Variants in PRICKLE2 observed in about 807,000 individuals in gnomAD.
The protein encoded by PRICKLE2 is prickle-like protein 2.
In PRICKLE2, 21 loss-of-function variants were observed where a neutral mutation model predicts 81.4. The observed-to-expected ratio is 0.26, with a 90% CI of 0.18 to 0.37. PRICKLE2 has a LOEUF of 0.37. PRICKLE2 is among the 10% of genes least tolerant of loss of function. PRICKLE2 has a pLI of 1.00. For synonymous variants in PRICKLE2, 456 were observed against 421.5 expected (o/e 1.08, Z -1.00); for missense variants, 940 against 1,109.0 (o/e 0.85, Z 2.16).
rs1180228524 is a variant in PRICKLE2 at position 64,099,412 on chromosome 3, T to C, written c.2174A>G (p.Gln725Arg). ...CTGGAAGCTCCGCTGGCGCATAAATTGGTCATAGTCCTCCCTGGCTCTCAG... is the reference window on the plus strand; with the variant it reads ...CTGGAAGCTCCGCTGGCGCATAAATCGGTCATAGTCCTCCCTGGCTCTCAG... ...PPLRAREDYD[Q>R]FMRQRSFQES... is the part of the protein sequence containing the mutation. Residue 725 changes from glutamine (Q) to arginine (R), a missense_variant, in exon 8 of 8, where the codon CAA becomes CGA. Gln to Arg is a conservative substitution (Grantham distance 43). Coordinates refer to ENST00000638394, the MANE Select transcript of PRICKLE2 (RefSeq NM_198859.4). The surrounding 1 kb of genome is among the most constrained non-coding windows in gnomAD (Gnocchi z 4.3). The C allele has an allele frequency of 2.5e-6, 4 of 1,597,828 alleles. No individual in the cohort carries two copies. Among genetic ancestry groups the C allele is most frequent in the Non-Finnish European group, 3.4e-6 (4 of 1,169,356 alleles).
intron 7 of PRICKLE2, among the ~76,000 whole-genome samples, chr3:64,116,837 C>G (rs1069983): frequency 0.72 from 109,218 of 151,968 alleles, 40,743 homozygotes; most frequent in South Asian, 0.85. Flanking sequence ...TCCTCCCTAA[C>G]TTATTCTATG....
intron 2 of PRICKLE2, among the ~76,000 whole-genome samples, chr3:64,239,262 G>A (rs1013040185): frequency 1.3e-5 from 2 of 152,150 alleles, no homozygotes; most frequent in Admixed American, 6.5e-5. Context: ...GGCTGGCAGC[G>A]TCCTCTCTGC....
intron 2 of PRICKLE2, among the ~76,000 whole-genome samples, chr3:64,235,276 T>C (rs1010972159): frequency 1.3e-5 from 2 of 152,228 alleles, no homozygotes; most frequent in African/African-American, 2.4e-5. Flanking sequence ...TGAGATGCTG[T>C]CATCATGCCT....
rs1406675430 is a variant in PRICKLE2 at position 64,093,774 on chromosome 3, CCTGTGTCCTTT to C, written c.*5266_*5276del. ...TCATAGTAAAACTCATCCCTCCATACCTGTGTCCTTTCTTTTCTTTGTTGAAATGCTCAAAG... is the reference window on the plus strand; with the variant it reads ...TCATAGTAAAACTCATCCCTCCATACCTTTTCTTTGTTGAAATGCTCAAAG... On this transcript the variant is annotated 3_prime_UTR_variant, in exon 8 of 8. Transcript: ENST00000638394. 6.6e-6 allele frequency: 1 copy of C among 152,210 alleles called. No homozygotes were observed. The highest frequency in any genetic ancestry group is 2.4e-5 in the African/African-American group (1 of 41,448). 9.4% of individuals were successfully genotyped at this position (152,210 alleles called of 1,614,324 possible).
chr3:64,243,478 T>C (rs1325784205), intron 2 of PRICKLE2, among the ~76,000 whole-genome samples: 1 of 152,176 alleles, frequency 6.6e-6, no homozygotes, highest in African/African-American at 2.4e-5. Flanking sequence ...AGAAATCCTA[T>C]CTTGTCACAT....
chr3:64,120,656 A>G lies in PRICKLE2; in HGVS notation c.1661-20731T>C, dbSNP rs1267945927. On this transcript the variant is annotated intron_variant, in intron 7 of 7. Transcript: ENST00000638394. The stretch of plus-strand genomic sequence containing the variant: ...ATACTGGTCCACAGACCACATTTGG[A>G]ACAGCAAAGGGTCTGGGGTGCTTTC... 2.0e-5 allele frequency among the ~76,000 whole-genome samples: 3 copies of G among 152,186 alleles called. No homozygotes were observed. The East Asian group carries it at 5.8e-4, about 29-fold the overall frequency.
intron 7 of PRICKLE2, among the ~76,000 whole-genome samples, chr3:64,134,329 A>G (rs1406559232): frequency 6.6e-6 from 1 of 152,206 alleles, no homozygotes; most frequent in Non-Finnish European, 1.5e-5. Flanking sequence ...CTTCCGAAGC[A>G]TCCAGCTGAG....
chr3:64,143,649 C>A (rs2077398365), intron 7 of PRICKLE2, among the ~76,000 whole-genome samples: 1 of 152,198 alleles, frequency 6.6e-6, no homozygotes, highest in Non-Finnish European at 1.5e-5. Context: ...CAGCAGAGAT[C>A]TGCTTAACAT....
rs1440293249 is a variant in PRICKLE2 at position 64,264,996 on chromosome 3, G to A, written c.129-66029C>T. Among the ~76,000 whole-genome samples, 3 of 152,274 alleles carry A rather than the reference G, an allele frequency of 2.0e-5. No individual in the cohort carries two copies. In the East Asian group the frequency reaches 5.8e-4, roughly 29 times the overall value. On this transcript the variant is annotated intron_variant, in intron 2 of 8. Transcript: ENST00000295902. ...TCATTCATGAGTTTTCCCAGACATT[G>A]AGTCCCACAGTACCTGCGTCTGTTC...
At chr3:64,136,476 T>G (rs1199121373) in intron 7 of PRICKLE2, among the ~76,000 whole-genome samples, 1 of 149,848 alleles carries the variant, frequency 6.7e-6, no homozygotes, top group Non-Finnish European at 1.5e-5. Flanking sequence ...ATGAACGTAG[T>G]GTAAGTGATC....
At chr3:64,133,344 C>T (rs145356775) in intron 7 of PRICKLE2, among the ~76,000 whole-genome samples, 60 of 152,132 alleles carry the variant, frequency 3.9e-4, no homozygotes, top group Admixed American at 7.2e-4. Context: ...AGGCCGGGTT[C>T]GAATTTTTCT....
At chr3:64,261,518 G>A (rs999552299) in intron 2 of PRICKLE2, among the ~76,000 whole-genome samples, 4 of 152,132 alleles carry the variant, frequency 2.6e-5, no homozygotes, top group African/African-American at 9.7e-5. Context: ...AAGTTGGTAA[G>A]ATAATGTGGC....
intron 2 of PRICKLE2, among the ~76,000 whole-genome samples, chr3:64,165,807 C>T (rs1348490644): frequency 6.6e-6 from 1 of 152,190 alleles, no homozygotes; most frequent in Non-Finnish European, 1.5e-5. Flanking sequence ...CCCCATCAGG[C>T]CCACTTTTGA....
chr3:64,184,988 T>A (rs2078198148), intron 2 of PRICKLE2, among the ~76,000 whole-genome samples: 1 of 152,196 alleles, frequency 6.6e-6, no homozygotes, highest in Admixed American at 6.5e-5. Context: ...GCAGCTTTTT[T>A]CCCTGGTTGC....
chr3:64,266,225 T>C (rs908227084), intron 2 of PRICKLE2, among the ~76,000 whole-genome samples: 1 of 151,308 alleles, frequency 6.6e-6, no homozygotes, highest in Non-Finnish European at 1.5e-5. Context: ...CTAAACCAAA[T>C]GATTCACACT....
intron 4 of PRICKLE2, among the ~76,000 whole-genome samples, chr3:64,157,770 T>G (rs1023042463): frequency 6.8e-6 from 1 of 146,300 alleles, no homozygotes; most frequent in Non-Finnish European, 1.5e-5. Flanking sequence ...GGGAGGGAGG[T>G]GGGTGGGAGG....
At chr3:64,123,298 G>A (rs2077056536) in intron 7 of PRICKLE2, among the ~76,000 whole-genome samples, 1 of 152,132 alleles carries the variant, frequency 6.6e-6, no homozygotes, top group African/African-American at 2.4e-5. Context: ...GAGCTATATG[G>A]ACCAACAGTG....
chr3:64,149,112 A>G (rs2077502935), intron 6 of PRICKLE2, among the ~76,000 whole-genome samples: 1 of 152,162 alleles, frequency 6.6e-6, no homozygotes, highest in African/African-American at 2.4e-5. Flanking sequence ...AGGTTTATAT[A>G]GCCTGGCCAC....
At chr3:64,106,278 G>C (rs2076753850) in intron 7 of PRICKLE2, among the ~76,000 whole-genome samples, 1 of 152,210 alleles carries the variant, frequency 6.6e-6, no homozygotes. Flanking sequence ...TAGAACAGGA[G>C]TTTGCAAACT....
Sources: allele counts gnomAD v4.1 joint callset (sites outside exome capture counted in the v4.1 genomes callset), GRCh38; gene constraint gnomAD v4.1.1; non-coding constraint Gnocchi (gnomAD v3.1); transcripts MANE v1.5; gene names NCBI Gene and HGNC (gene_info 2026-07-23, HGNC 2026-07-21).